Variants in OR1J2 observed in about 807,000 individuals in gnomAD.
The protein encoded by OR1J2 is olfactory receptor 1J2.
For synonymous variants in OR1J2, 142 were observed against 99.7 expected, an observed-to-expected ratio of 1.42 and a Z score of -2.52; for missense variants, 304 against 246.1, an observed-to-expected ratio of 1.24 and a Z score of -1.57.
At chr9:122,504,954 C>T in the OR1J2 span, among the ~76,000 whole-genome samples, 92,693 of 151,866 alleles carry the variant, frequency 0.61, 28,397 homozygotes, top group East Asian at 0.72. Flanking sequence ...TCTTACAGCC[C>T]ACTTTGAGTT....
At chr9:122,522,434 T>C in the OR1J2 span, among the ~76,000 whole-genome samples, 1 of 152,226 alleles carries the variant, frequency 6.6e-6, no homozygotes, top group African/African-American at 2.4e-5. Flanking sequence ...ATGGAAATTT[T>C]AAGAGTAAAC....
the OR1J2 span, among the ~76,000 whole-genome samples, chr9:122,529,875 C>T: frequency 6.6e-6 from 1 of 152,154 alleles, no homozygotes; most frequent in Non-Finnish European, 1.5e-5. Flanking sequence ...GACTGTTTGT[C>T]TCAAGTGACT....
chr9:122,524,532 G>A, the OR1J2 span, among the ~76,000 whole-genome samples: 5 of 152,044 alleles, frequency 3.3e-5, no homozygotes, highest in Admixed American at 2.0e-4. Flanking sequence ...AACTCCTAAC[G>A]GCCACAGAAT....
the OR1J2 span, among the ~76,000 whole-genome samples, chr9:122,485,858 G>T: frequency 6.6e-6 from 1 of 152,152 alleles, no homozygotes; most frequent in Non-Finnish European, 1.5e-5. Context: ...AATGACTGCT[G>T]TAAGGCTGGG....
the OR1J2 span, chr9:122,477,429 A>C: frequency 6.2e-7 from 1 of 1,614,048 alleles, no homozygotes; most frequent in East Asian, 2.2e-5. Context: ...CACAGAAGGA[A>C]AGCTGGGCCA....
the OR1J2 span, among the ~76,000 whole-genome samples, chr9:122,457,365 C>T: frequency 6.6e-6 from 1 of 152,050 alleles, no homozygotes; most frequent in South Asian, 2.1e-4. Flanking sequence ...TATCCTGGAA[C>T]TTAAAATAAG....
At chr9:122,551,190 A>G in the OR1J2 span, among the ~76,000 whole-genome samples, 3 of 152,198 alleles carry the variant, frequency 2.0e-5, no homozygotes, top group Admixed American at 6.5e-5. Flanking sequence ...TTTTAGACCT[A>G]TGAAATTGCT....
At chr9:122,491,156 G>C in the OR1J2 span, among the ~76,000 whole-genome samples, 7 of 152,184 alleles carry the variant, frequency 4.6e-5, no homozygotes, top group African/African-American at 1.7e-4. Context: ...GAACAAAGGA[G>C]TTGAAAACCT....
the OR1J2 span, among the ~76,000 whole-genome samples, chr9:122,534,376 G>T: frequency 6.6e-6 from 1 of 152,138 alleles, no homozygotes; most frequent in African/African-American, 2.4e-5. Flanking sequence ...ACTGTAAAGC[G>T]TCTCAGTGTT....
the OR1J2 span, among the ~76,000 whole-genome samples, chr9:122,542,905 A>G: frequency 3.3e-5 from 5 of 152,216 alleles, no homozygotes; most frequent in African/African-American, 7.2e-5. Flanking sequence ...TTGGCTCAAC[A>G]AAGTGTTTGA....
chr9:122,560,307 C>T, the OR1J2 span, among the ~76,000 whole-genome samples: 12 of 152,006 alleles, frequency 7.9e-5, no homozygotes, highest in Admixed American at 4.6e-4. Context: ...GTCTTTTAAT[C>T]GCAGCATTTA....
chr9:122,553,047 C>T, the OR1J2 span: 2 of 721,878 alleles, frequency 2.8e-6, no homozygotes, highest in South Asian at 1.9e-5. Flanking sequence ...CCTTGCATTC[C>T]CAGTGAGATT....
chr9:122,558,311 C>CTTTTTTTTTT, the OR1J2 span, among the ~76,000 whole-genome samples: 10 of 34,472 alleles, frequency 2.9e-4, 2 homozygotes, highest in East Asian at 2.7e-3. Context: ...TTGGATTTTG[C>CTTTTTTTTTT]TTTTTTTTTT....
the OR1J2 span, chr9:122,519,366 G>A: frequency 7.0e-5 from 113 of 1,613,990 alleles, no homozygotes; most frequent in Non-Finnish European, 8.7e-5. Flanking sequence ...CCTTTCATCT[G>A]TCACTGTCCC....
At chr9:122,569,772 G>A in the OR1J2 span, among the ~76,000 whole-genome samples, 3 of 151,962 alleles carry the variant, frequency 2.0e-5, no homozygotes, top group East Asian at 3.9e-4. Context: ...CTTGTGTGCT[G>A]CACCCATTAA....
the OR1J2 span, among the ~76,000 whole-genome samples, chr9:122,550,593 A>G: frequency 6.6e-6 from 1 of 152,184 alleles, no homozygotes; most frequent in Non-Finnish European, 1.5e-5. Flanking sequence ...GGATAGTGAA[A>G]TATATACAAA....
At chr9:122,497,910 AT>A in the OR1J2 span, among the ~76,000 whole-genome samples, 3 of 152,050 alleles carry the variant, frequency 2.0e-5, no homozygotes, top group Non-Finnish European at 4.4e-5. Flanking sequence ...GAATTTTTTT[AT>A]TTCTGCCTTG....
At chr9:122,505,547 GA>G in the OR1J2 span, among the ~76,000 whole-genome samples, 1 of 152,128 alleles carries the variant, frequency 6.6e-6, no homozygotes, top group African/African-American at 2.4e-5. Context: ...TTTTGAAGGG[GA>G]CAGACATTCA....
chr9:122,450,931 T>C, the OR1J2 span, among the ~76,000 whole-genome samples: 13 of 152,160 alleles, frequency 8.5e-5, no homozygotes, highest in African/African-American at 2.9e-4. Context: ...CAAAATCACC[T>C]AGTTTAGAAA....
Sources: allele counts gnomAD v4.1 joint callset (sites outside exome capture counted in the v4.1 genomes callset), GRCh38; gene constraint gnomAD v4.1.1; transcripts MANE v1.5; gene names NCBI Gene and HGNC (gene_info 2026-07-23, HGNC 2026-07-21).